Variants in PTPRD observed in about 807,000 individuals in gnomAD.
PTPRD encodes protein tyrosine phosphatase receptor type D, also known as receptor-type tyrosine-protein phosphatase delta.
PTPRD carries 34 observed loss-of-function variants against 214.5 expected under a neutral mutation model. The observed-to-expected ratio is 0.16, with a 90% CI of 0.12 to 0.21. The LOEUF (loss-of-function observed/expected upper bound fraction) is 0.21, where lower values mean the gene tolerates loss of function less well. PTPRD is among the 10% of genes least tolerant of loss of function. PTPRD has a pLI of 1.00. For synonymous variants in PTPRD, 1,128 were observed against 845.7 expected (o/e 1.33, Z -5.79); for missense variants, 2,545 against 2,398.7 (o/e 1.06, Z -1.27).
intron 12 of PTPRD, among the ~76,000 whole-genome samples, chr9:8,674,547 A>G (rs2154366698): frequency 6.6e-6 from 1 of 152,172 alleles, no homozygotes; most frequent in East Asian, 1.9e-4. Context: ...TGATGGCTAA[A>G]AAATTAGTTC....
intron 2 of PTPRD, among the ~76,000 whole-genome samples, chr9:10,506,363 C>G (rs865999534): frequency 6.6e-5 from 10 of 152,198 alleles, no homozygotes; most frequent in Middle Eastern, 3.4e-3. Flanking sequence ...TGGTACCATA[C>G]TATTAGCCAA....
chr9:10,168,260 C>T (rs1428284226), intron 3 of PTPRD, among the ~76,000 whole-genome samples: 1 of 152,132 alleles, frequency 6.6e-6, no homozygotes, highest in African/African-American at 2.4e-5. Flanking sequence ...ATTTCATCCA[C>T]ATTGAGATAT....
At chr9:9,685,266 T>TTA (rs34439498) in intron 7 of PTPRD, among the ~76,000 whole-genome samples, 4,010 of 149,318 alleles carry the variant, frequency 0.027, 147 homozygotes, top group African/African-American at 0.091. Flanking sequence ...TATATGCTTA[T>TTA]TATATATATA....
chr9:10,178,939 G>C (rs1213821933), intron 3 of PTPRD, among the ~76,000 whole-genome samples: 1 of 151,846 alleles, frequency 6.6e-6, no homozygotes, highest in Non-Finnish European at 1.5e-5. Context: ...ATAAATACAG[G>C]TGAGGAAATA....
intron 11 of PTPRD, among the ~76,000 whole-genome samples, chr9:8,822,111 T>C (rs896194389): frequency 6.6e-5 from 10 of 152,262 alleles, no homozygotes; most frequent in Non-Finnish European, 1.3e-4. Context: ...GGTTTTGTTT[T>C]GCTTAGTAAG....
At chr9:8,933,166 C>G (rs1031892524) in intron 11 of PTPRD, among the ~76,000 whole-genome samples, 1 of 152,036 alleles carries the variant, frequency 6.6e-6, no homozygotes, top group East Asian at 2.0e-4. Flanking sequence ...TGACGCCCCA[C>G]CCTGCTTCTG....
At chr9:9,307,768 C>A (rs530575057) in intron 9 of PTPRD, among the ~76,000 whole-genome samples, 1 of 152,286 alleles carries the variant, frequency 6.6e-6, no homozygotes, top group East Asian at 1.9e-4. Flanking sequence ...TAGCTTAACA[C>A]ACAGAAAAAT....
intron 14 of PTPRD, among the ~76,000 whole-genome samples, chr9:8,552,125 G>A (rs561233162): frequency 3.0e-4 from 46 of 152,218 alleles, no homozygotes; most frequent in African/African-American, 1.1e-3. Context: ...GATGGTCACA[G>A]GCACCTCCTT....
At chr9:8,888,804 G>C (rs1158600875) in intron 11 of PTPRD, among the ~76,000 whole-genome samples, 1 of 152,198 alleles carries the variant, frequency 6.6e-6, no homozygotes, top group Non-Finnish European at 1.5e-5. Flanking sequence ...TGTGACAGAG[G>C]AGTGGAGAGA....
At chr9:9,006,515 T>G (rs1312319238) in intron 11 of PTPRD, among the ~76,000 whole-genome samples, 3 of 152,058 alleles carry the variant, frequency 2.0e-5, no homozygotes, top group Non-Finnish European at 4.4e-5. Context: ...GTAAGTGACT[T>G]CTTCTTAAAA....
At chr9:8,711,665 C>A (rs537833511) in intron 12 of PTPRD, among the ~76,000 whole-genome samples, 1 of 152,296 alleles carries the variant, frequency 6.6e-6, no homozygotes, top group Non-Finnish European at 1.5e-5. Context: ...ACCCCATCTA[C>A]AGAGATTCTG....
chr9:10,232,564 G>A (rs1000990268), intron 3 of PTPRD, among the ~76,000 whole-genome samples: 2 of 151,942 alleles, frequency 1.3e-5, no homozygotes, highest in East Asian at 1.9e-4. Flanking sequence ...AGCAGATGGC[G>A]TTTTGCATAG....
intron 2 of PTPRD, among the ~76,000 whole-genome samples, chr9:10,478,141 A>G (rs2099075058): frequency 6.7e-6 from 1 of 148,420 alleles, no homozygotes; most frequent in South Asian, 2.1e-4. Flanking sequence ...AACTTAAAGT[A>G]AAATGGAAAA....
chr9:10,111,862 C>T (rs934263115), intron 3 of PTPRD, among the ~76,000 whole-genome samples: 11 of 152,202 alleles, frequency 7.2e-5, no homozygotes, highest in South Asian at 4.1e-4. Context: ...ATTGGAAGCA[C>T]GAGAATTTGG....
In PTPRD at chr9:8,317,799, G is replaced by C; in HGVS notation, c.*75C>G. 1 of 1,341,696 alleles carries C rather than the reference G, an allele frequency of 7.5e-7. No individual in the cohort carries two copies. The highest frequency in any genetic ancestry group is 1.1e-6 in the Non-Finnish European group (1 of 935,940). The allele number at this position is 1,341,696 out of a possible 1,614,324, so 83.1% of individuals were successfully genotyped here. ...AGAAGTTAAGAAGGACTTCTCAAGT[G>C]CCCTGTATGGCTCAGAAGAGACTCC... On this transcript the variant is annotated 3_prime_UTR_variant, in exon 46 of 46. Transcript: ENST00000381196.
chr9:10,002,819 C>T (rs567190050), intron 4 of PTPRD, among the ~76,000 whole-genome samples: 34 of 151,336 alleles, frequency 2.2e-4, no homozygotes, highest in African/African-American at 2.4e-4. Flanking sequence ...AATAACACTA[C>T]GAAATAGACC....
intron 7 of PTPRD, among the ~76,000 whole-genome samples, chr9:9,575,464 T>A (rs759147353): frequency 3.2e-4 from 48 of 152,034 alleles, no homozygotes; most frequent in East Asian, 5.8e-4. Flanking sequence ...CTCATGCCTG[T>A]AATCCCAGCA....
chr9:8,657,164 C>CT (rs749246223), intron 12 of PTPRD, among the ~76,000 whole-genome samples: 12,216 of 123,056 alleles, frequency 0.099, 745 homozygotes, highest in Non-Finnish European at 0.12. Flanking sequence ...CTTTTGCCCA[C>CT]TTTTTTTTTT....
chr9:8,322,552 G>T (rs144799159), intron 44 of PTPRD, among the ~76,000 whole-genome samples: 2 of 152,272 alleles, frequency 1.3e-5, no homozygotes, highest in East Asian at 3.9e-4. Context: ...TTCTATGAAG[G>T]CTGGGAGGTG....
Sources: gnomAD v4.1 joint callset for allele counts (sites outside exome capture counted in the v4.1 genomes callset) on GRCh38, gnomAD v4.1.1 for gene constraint, MANE v1.5 for transcripts, NCBI Gene and HGNC (gene_info 2026-07-23, HGNC 2026-07-21) for gene names.